AP1G1: variants seen among roughly 807,000 people sequenced by gnomAD.
AP1G1 encodes AP-1 complex subunit gamma-1.
AP1G1 carries 7 observed loss-of-function variants against 108.3 expected under a neutral mutation model. The ratio of observed to expected loss-of-function variants is 0.06; its 90% confidence interval spans 0.04 to 0.12. The LOEUF (loss-of-function observed/expected upper bound fraction) is 0.12. Among genes scored for constraint, AP1G1 ranks in the 10% least tolerant of loss-of-function variants. The probability of loss-of-function intolerance (pLI) is 1.00; values close to 1 mark genes in which losing one functional copy is unlikely to be tolerated. For missense variants in AP1G1, 756 were observed against 1,010.7 expected, an observed-to-expected ratio of 0.75 and a Z score of 3.42; for synonymous variants, 379 against 353.5, an observed-to-expected ratio of 1.07 and a Z score of -0.81.
At chr16:71,739,679 A>C (rs1004330694) in intron 19 of AP1G1, among the ~76,000 whole-genome samples, 8 of 151,498 alleles carry the variant, frequency 5.3e-5, no homozygotes, top group African/African-American at 1.9e-4. Flanking sequence ...TGGAGCCTGG[A>C]AAGTTGAGGC....
intron 10 of AP1G1, among the ~76,000 whole-genome samples, chr16:71,759,775 TAATTA>T (rs944932073): frequency 4.6e-5 from 7 of 151,198 alleles, no homozygotes; most frequent in Admixed American, 6.6e-5. Context: ...AAAAAAAAAT[TAATTA>T]AATTAAATTA....
chr16:71,808,804 C>CGGCAGCAGT lies in AP1G1; in HGVS notation c.-54_-46dup, dbSNP rs902659118. ...ATGAAACCAGCAGCTCCGGGGGCGG[C>CGGCAGCAGT]GGCAGCAGTGGCAGCAGGAACCGAA... On this transcript the variant is annotated 5_prime_UTR_variant, in exon 1 of 23. Transcript: ENST00000299980. 2.0e-5 allele frequency: 26 copies of CGGCAGCAGT among 1,289,546 alleles called. 1 individual carries two copies. Among genetic ancestry groups the CGGCAGCAGT allele is most frequent in the Middle Eastern group, 2.1e-4 (1 of 4,714 alleles). 79.9% of individuals were successfully genotyped at this position (1,289,546 alleles called of 1,614,324 possible).
chr16:71,756,271 T>TG (rs932458868), intron 11 of AP1G1, 112 bp from the exon 12 acceptor site: 18 of 840,328 alleles, frequency 2.1e-5, no homozygotes, highest in Non-Finnish European at 3.0e-5. Flanking sequence ...CTGACGTCCT[T>TG]GCACGATCTT....
chr16:71,758,494 A>G (rs1339046167), intron 11 of AP1G1: 1 of 546,658 alleles, frequency 1.8e-6, no homozygotes, highest in South Asian at 1.4e-5. Flanking sequence ...CACAAAGCAC[A>G]GTACCTCCAC....
chr16:71,742,767 C>G (rs1229444931), intron 19 of AP1G1: 1 of 152,064 alleles, frequency 6.6e-6, no homozygotes, highest in Non-Finnish European at 1.5e-5. Context: ...GTCAGGAGTT[C>G]AAGACCAGCC....
intron 10 of AP1G1, among the ~76,000 whole-genome samples, chr16:71,760,813 T>C (rs889278915): frequency 2.0e-5 from 3 of 152,164 alleles, no homozygotes; most frequent in African/African-American, 7.2e-5. Context: ...TCCCAAAGTG[T>C]TGGCATTACA....
At position 71,745,612 on chromosome 16, in the gene AP1G1, G is replaced by C. The variant is rs764203051; in HGVS notation, c.1733C>G (p.Ser578Cys). ...GACAGGCATTCTCTCAAGTAGGGCA[G>C]ACCTAGAAGAATCTGAAGTGGTTAA... ...ALFKKYDHMR[S>C]ALLERMPVME... is the part of the protein sequence containing the mutation. Residue 578 changes from serine (S) to cysteine (C), a missense_variant and splice_region_variant, in exon 18 of 23, where the codon TCT (serine) becomes TGT (cysteine). This residue lies in a region of AP1G1 where 357 missense variants were observed against 366.5 expected (regional missense o/e 0.97). Coordinates refer to ENST00000299980, the MANE Select transcript of AP1G1 (RefSeq NM_001128.6). 1 of 1,613,854 alleles carries C rather than the reference G, an allele frequency of 6.2e-7. No homozygotes were observed. The highest frequency in any genetic ancestry group is 8.5e-7 in the Non-Finnish European group (1 of 1,179,744).
chr16:71,756,137 C>T lies in AP1G1; in HGVS notation c.1111G>A (p.Ala371Thr). The change falls in exon 12 of 23, where the codon GCC (alanine) becomes ACC (threonine). Residue 371 changes from alanine (A) to threonine (T), a missense_variant. Coordinates refer to ENST00000299980, the MANE Select transcript of AP1G1 (RefSeq NM_001128.6). ...IKRRAMELSF[A>T]LVNGNNIRGM... Reference sequence around the variant, plus strand: ...CGGATATTATTCCCATTTACCAGGGCAAAACTCAATTCCATTGCACGCCTT... The same window carrying T: ...CGGATATTATTCCCATTTACCAGGGTAAAACTCAATTCCATTGCACGCCTT... 6.2e-7 allele frequency: 1 copy of T among 1,612,208 alleles called. No individual in the cohort carries two copies. Among genetic ancestry groups the T allele is most frequent in the South Asian group, 1.1e-5 (1 of 90,526 alleles).
intron 16 of AP1G1, 142 bp from the exon 17 acceptor site, chr16:71,746,834 A>G: frequency 1.7e-6 from 1 of 593,000 alleles, no homozygotes; most frequent in Non-Finnish European, 2.9e-6. Flanking sequence ...TTTCAAAAAC[A>G]AAACACTTTA....
intron 6 of AP1G1, 97 bp downstream of exon 6, chr16:71,769,526 A>T (rs1409918387): frequency 1.7e-6 from 2 of 1,199,726 alleles, no homozygotes; most frequent in African/African-American, 3.0e-5. Flanking sequence ...TCAGATCCAT[A>T]GCTTGCTTTC....
intron 4 of AP1G1, among the ~76,000 whole-genome samples, 197 bp from the exon 5 acceptor site, chr16:71,771,449 C>G (rs1050191198): frequency 4.6e-5 from 7 of 152,054 alleles, no homozygotes; most frequent in African/African-American, 1.7e-4. Context: ...CTTTGGGAGC[C>G]CCAAGGCAGG....
At chr16:71,808,536 C>G (rs1177666586) in intron 1 of AP1G1, 1 of 1,283,436 alleles carries the variant, frequency 7.8e-7, no homozygotes, top group South Asian at 1.2e-5. Context: ...CGGAACGCCG[C>G]GGCGCGCGGA....
At chr16:71,744,768 G>A (rs185086890) in intron 19 of AP1G1, among the ~76,000 whole-genome samples, 5 of 152,090 alleles carry the variant, frequency 3.3e-5, no homozygotes, top group African/African-American at 9.6e-5. Context: ...TAGAGATGGC[G>A]TTTCACCATG....
Position 71,750,895 on chromosome 16 carries a change from G to A in AP1G1, c.1285-563C>T, listed in dbSNP as rs539060898. ...CCAAAGGCCGGGTGTGGTGGCTCAC[G>A]CCTGTAATCCCAGCACTTTGGGAGG... On this transcript the variant is annotated intron_variant, in intron 13 of 22. Transcript: ENST00000299980. Among the ~76,000 whole-genome samples, 12 of 150,754 alleles carry A rather than the reference G, an allele frequency of 8.0e-5. No individual in the cohort carries two copies. The East Asian group carries it at 2.4e-3, about 30-fold the overall frequency.
At chr16:71,797,090 G>A (rs747444340) in intron 1 of AP1G1, among the ~76,000 whole-genome samples, 33 of 150,704 alleles carry the variant, frequency 2.2e-4, no homozygotes, top group Non-Finnish European at 4.1e-4. Flanking sequence ...AACAATGATC[G>A]CTAAACAAGA....
At chr16:71,759,510 C>T (rs1403389372) in intron 10 of AP1G1, among the ~76,000 whole-genome samples, 2 of 147,890 alleles carry the variant, frequency 1.4e-5, no homozygotes, top group Non-Finnish European at 3.0e-5. Context: ...CCTATAATCC[C>T]AGCACTTTGG....
chr16:71,748,916 T>C (rs946374783), intron 15 of AP1G1, among the ~76,000 whole-genome samples: 4 of 152,004 alleles, frequency 2.6e-5, no homozygotes, highest in South Asian at 2.1e-4. Context: ...TTTTTGTTTT[T>C]TTTGTTTTGA....
At chr16:71,766,984 T>A (rs913118708) in intron 6 of AP1G1, among the ~76,000 whole-genome samples, 2 of 152,190 alleles carry the variant, frequency 1.3e-5, no homozygotes, top group Non-Finnish European at 2.9e-5. Context: ...TAAAACCACT[T>A]TAAATCAATA....
intron 2 of AP1G1, among the ~76,000 whole-genome samples, chr16:71,776,720 A>C (rs1358473733): frequency 6.6e-6 from 1 of 152,204 alleles, no homozygotes; most frequent in African/African-American, 2.4e-5. Flanking sequence ...GGAATAGGAC[A>C]TACTCTTAGG....
Sources: gnomAD v4.1 joint callset for allele counts (sites outside exome capture counted in the v4.1 genomes callset) on GRCh38, gnomAD v4.1.1 for gene constraint, gnomAD v4.1.1 regional missense constraint, MANE v1.5 for transcripts, NCBI Gene and HGNC (gene_info 2026-07-23, HGNC 2026-07-21) for gene names.